SNX29: variants seen among roughly 807,000 people sequenced by gnomAD.
SNX29 encodes the protein sorting nexin-29.
Under a neutral mutation model 102.1 loss-of-function variants are expected in SNX29, and 78 were observed. The ratio of observed to expected loss-of-function variants is 0.76; its 90% CI spans 0.64 to 0.92. The LOEUF (loss-of-function observed/expected upper bound fraction) is 0.92. Ranked by LOEUF, SNX29 falls within the 40% of genes least tolerant of loss-of-function variation. The pLI is 0.00. For synonymous variants in SNX29, 580 were observed against 414.5 expected (o/e 1.40, Z -4.85); for missense variants, 1,280 against 1,061.7 (o/e 1.21, Z -2.86).
rs113659731 is a variant in SNX29 at position 12,544,217 on chromosome 16, G to A, written c.2318+19376G>A. 8.4e-4 allele frequency among the ~76,000 whole-genome samples: 128 copies of A among 152,294 alleles called. 2 individuals are homozygous for A. The Middle Eastern group carries it at 0.01, about 12-fold the overall frequency. On this transcript the variant is annotated intron_variant, in intron 20 of 20. Transcript: ENST00000566228. ...CCAAGGCTTCAGAACCGTGACAGCCGGTTCCTCACCACACCAAGATTGAAA... is the reference window on the plus strand; with the variant it reads ...CCAAGGCTTCAGAACCGTGACAGCCAGTTCCTCACCACACCAAGATTGAAA...
intron 15 of SNX29, among the ~76,000 whole-genome samples, chr16:12,333,192 G>A (rs2081348150): frequency 2.1e-5 from 3 of 144,034 alleles, no homozygotes; most frequent in South Asian, 4.3e-4. Context: ...TGCAACTTCC[G>A]CCTACCAAGT....
At chr16:12,380,600 C>CCCACCCA (rs2083055503) in intron 16 of SNX29, among the ~76,000 whole-genome samples, 1 of 109,008 alleles carries the variant, frequency 9.2e-6, no homozygotes, top group East Asian at 3.5e-4. Context: ...CATCCATCCA[C>CCCACCCA]CCATCCACCA....
At chr16:12,547,412 G>T (rs117074682) in intron 20 of SNX29, among the ~76,000 whole-genome samples, 195 of 152,258 alleles carry the variant, frequency 1.3e-3, no homozygotes, top group Non-Finnish European at 2.1e-3. Flanking sequence ...GGTAGTTAGG[G>T]GACCATGTGG....
At chr16:12,391,646 C>T (rs774435766) in intron 16 of SNX29, among the ~76,000 whole-genome samples, 46 of 152,274 alleles carry the variant, frequency 3.0e-4, no homozygotes, top group Non-Finnish European at 4.9e-4. Context: ...TTCATTCATT[C>T]ATCTGTCCAT....
intron 13 of SNX29, among the ~76,000 whole-genome samples, chr16:12,159,921 A>G (rs746262567): frequency 6.6e-6 from 1 of 152,200 alleles, no homozygotes; most frequent in Non-Finnish European, 1.5e-5. Context: ...CTTAGAATCC[A>G]GTGCATCTAG....
At chr16:12,037,720 T>C (rs1187090820) in intron 4 of SNX29, among the ~76,000 whole-genome samples, 1 of 151,742 alleles carries the variant, frequency 6.6e-6, no homozygotes, top group South Asian at 2.1e-4. Context: ...GGGAGGCCGA[T>C]GCTGGATGAT....
intron 13 of SNX29, among the ~76,000 whole-genome samples, chr16:12,155,472 G>C (rs539033152): frequency 5.3e-5 from 8 of 152,210 alleles, no homozygotes; most frequent in African/African-American, 1.2e-4. Flanking sequence ...GATTTGGCTT[G>C]GTTAAAGGAC....
Position 12,574,097 on chromosome 16 carries a change from T to C in SNX29, c.*5468T>C, listed in dbSNP as rs192913461. 437 of 187,844 alleles carry C rather than the reference T, an allele frequency of 2.3e-3. No individual in the cohort carries two copies. The highest frequency in any genetic ancestry group is 4.0e-3 in the Non-Finnish European group (359 of 89,066). 11.6% of individuals were successfully genotyped at this position (187,844 alleles called of 1,614,324 possible). Reference sequence around the variant, plus strand: ...GGAAACGCCCTGAAACCTGTAGTATTATCTTAACTACCCTCTTATGTTAAG... The same window carrying C: ...GGAAACGCCCTGAAACCTGTAGTATCATCTTAACTACCCTCTTATGTTAAG... On this transcript the variant is annotated 3_prime_UTR_variant, in exon 21 of 21. Transcript: ENST00000566228.
At chr16:12,177,017 A>G (rs1363482005) in intron 13 of SNX29, among the ~76,000 whole-genome samples, 1 of 152,060 alleles carries the variant, frequency 6.6e-6, no homozygotes, top group Non-Finnish European at 1.5e-5. Flanking sequence ...GCTCAATCAT[A>G]GCTTACTGTA....
At chr16:12,303,702 A>T (rs1399254891) in intron 15 of SNX29, among the ~76,000 whole-genome samples, 1 of 152,202 alleles carries the variant, frequency 6.6e-6, no homozygotes, top group Non-Finnish European at 1.5e-5. Context: ...ATGTCTTGTT[A>T]TGGTTCCTCA....
intron 20 of SNX29, among the ~76,000 whole-genome samples, chr16:12,531,708 G>A (rs1490782301): frequency 6.6e-6 from 1 of 152,206 alleles, no homozygotes; most frequent in Non-Finnish European, 1.5e-5. Context: ...GGGACAAGGA[G>A]GGGAAGCCCG....
chr16:12,555,339 G>A (rs532799017), intron 20 of SNX29, among the ~76,000 whole-genome samples: 1 of 152,038 alleles, frequency 6.6e-6, no homozygotes, highest in African/African-American at 2.4e-5. Context: ...TGGCACCTGA[G>A]AAACATGTTG....
intron 9 of SNX29, among the ~76,000 whole-genome samples, chr16:12,067,030 A>C (rs2051070958): frequency 7.0e-6 from 1 of 143,094 alleles, no homozygotes; most frequent in African/African-American, 2.8e-5. Flanking sequence ...TAAATAAATA[A>C]ATAAGCAGGC....
chr16:12,218,962 G>A (rs2077398820), intron 14 of SNX29, among the ~76,000 whole-genome samples: 1 of 152,098 alleles, frequency 6.6e-6, no homozygotes, highest in Admixed American at 6.6e-5. Flanking sequence ...TTTTAGTAGA[G>A]ACGGGGTTTC....
At position 12,562,701 on chromosome 16, in the gene SNX29, G is replaced by A. The variant is rs543784068; in HGVS notation, c.2319-5805G>A. ...CAGGCACTGCCTTCTTTGGAGTCGA[G>A]ATTGAAGCCTACCGTGGTACTGTTT... On this transcript the variant is annotated intron_variant, in intron 20 of 20. Transcript: ENST00000566228. Among the ~76,000 whole-genome samples, 9 of 152,318 alleles carry A rather than the reference G, an allele frequency of 5.9e-5. No individual in the cohort carries two copies. In the South Asian group the frequency reaches 1.5e-3, roughly 25 times the overall value.
intron 19 of SNX29, among the ~76,000 whole-genome samples, chr16:12,484,918 C>G (rs953062724): frequency 6.6e-6 from 1 of 152,188 alleles, no homozygotes; most frequent in African/African-American, 2.4e-5. Flanking sequence ...TGAACCAGGA[C>G]TGGAGTCTGT....
chr16:12,203,992 C>G (rs1230967493), intron 14 of SNX29, among the ~76,000 whole-genome samples: 1 of 152,188 alleles, frequency 6.6e-6, no homozygotes, highest in East Asian at 1.9e-4. Context: ...GGCCTGGCAC[C>G]TTACCTGGAT....
At chr16:12,062,227 A>G (rs1272918044) in intron 9 of SNX29, among the ~76,000 whole-genome samples, 7 of 151,692 alleles carry the variant, frequency 4.6e-5, no homozygotes, top group Admixed American at 4.6e-4. Flanking sequence ...AAAAATACAA[A>G]AATTAGCTGG....
chr16:12,521,736 A>G (rs1235649499), intron 19 of SNX29, among the ~76,000 whole-genome samples: 1 of 152,202 alleles, frequency 6.6e-6, no homozygotes. Context: ...CTTCCCAAGG[A>G]AAAGCATCTC....
Sources: gnomAD v4.1 joint callset for allele counts (sites outside exome capture counted in the v4.1 genomes callset) on GRCh38, gnomAD v4.1.1 for gene constraint, MANE v1.5 for transcripts, NCBI Gene and HGNC (gene_info 2026-07-23, HGNC 2026-07-21) for gene names.